Variants in SEC31A observed in about 807,000 individuals in gnomAD.
SEC31A encodes protein transport protein Sec31A.
A neutral mutation model predicts 151.0 loss-of-function variants in SEC31A; 70 were observed. The ratio of observed to expected loss-of-function variants is 0.46; its 90% CI spans 0.38 to 0.57. The LOEUF (loss-of-function observed/expected upper bound fraction) is 0.57. SEC31A is among the 20% of genes least tolerant of loss of function. The pLI, the probability that SEC31A is intolerant of heterozygous loss-of-function variation, is 0.00. For missense variants in SEC31A, 1,330 were observed against 1,471.2 expected (o/e 0.90, Z 1.57); for synonymous variants, 475 against 505.9 (o/e 0.94, Z 0.82).
chr4:82,875,742 T>C lies in SEC31A; in HGVS notation c.483A>G (p.Pro161=), dbSNP rs1413440907. The C allele has an allele frequency of 6.3e-7, 1 of 1,597,236 alleles. No individual in the cohort carries two copies. Among genetic ancestry groups the C allele is most frequent in the Non-Finnish European group, 8.6e-7 (1 of 1,167,590 alleles). The part of the protein sequence containing the change: ...DLNNFATPMT[P]GAKTQPPEDI... ...ATAAAAATACCTGTGTTTTGGCTCC[T>C]GGTGTCATTGGGGTTGCAAAATTAT... The change falls in exon 5 of 27, where the codon CCA becomes CCG. Residue 161 remains proline, a synonymous_variant. Coordinates refer to ENST00000395310, the MANE Select transcript of SEC31A (RefSeq NM_001077207.4).
At chr4:82,853,227 A>T (rs1226295211) in intron 18 of SEC31A, among the ~76,000 whole-genome samples, 1 of 152,086 alleles carries the variant, frequency 6.6e-6, no homozygotes, top group Non-Finnish European at 1.5e-5. Flanking sequence ...CTTTACCCAC[A>T]TTGCTTCTTT....
chr4:82,855,102 T>C lies in SEC31A; in HGVS notation c.1882-73A>G, dbSNP rs1732338927. Reference sequence around the variant, plus strand: ...ATAAAAATTAATTCTGACTAATTAATTGTGTCAAGTATTTCATGCCAAATG... The same window carrying C: ...ATAAAAATTAATTCTGACTAATTAACTGTGTCAAGTATTTCATGCCAAATG... On this transcript the variant is annotated intron_variant, in intron 16 of 26. Coordinates refer to ENST00000395310, the MANE Select transcript of SEC31A (RefSeq NM_001077207.4). The C allele has an allele frequency of 1.5e-5, 19 of 1,280,922 alleles. No individual in the cohort carries two copies. The South Asian group carries it at 2.1e-4, about 14-fold the overall frequency. 79.3% of individuals were successfully genotyped at this position (1,280,922 alleles called of 1,614,324 possible).
At chr4:82,887,976 G>C (rs1741139034) in intron 1 of SEC31A, among the ~76,000 whole-genome samples, 1 of 151,792 alleles carries the variant, frequency 6.6e-6, no homozygotes, top group Non-Finnish European at 1.5e-5. Context: ...AACCCGGGAG[G>C]CAGAGCTTGC....
intron 8 of SEC31A, among the ~76,000 whole-genome samples, chr4:82,868,803 C>G (rs934644182): frequency 6.6e-6 from 1 of 151,912 alleles, no homozygotes; most frequent in Non-Finnish European, 1.5e-5. Context: ...TCAAGCGATC[C>G]TCCTATGTCA....
At chr4:82,881,001 C>A (rs1487781640) in intron 2 of SEC31A, 79 bp from the exon 3 acceptor site, 1 of 1,216,482 alleles carries the variant, frequency 8.2e-7, no homozygotes, top group East Asian at 2.3e-5. Context: ...AAGTTAAAAG[C>A]ATGTTTTCCA....
chr4:82,888,149 CA>C (rs1325581570), intron 1 of SEC31A, among the ~76,000 whole-genome samples: 2 of 150,210 alleles, frequency 1.3e-5, no homozygotes, highest in Non-Finnish European at 3.0e-5. Context: ...CCGAGGTGGG[CA>C]GATCACTTGA....
intron 1 of SEC31A, among the ~76,000 whole-genome samples, chr4:82,885,369 A>C (rs1740451602): frequency 6.6e-6 from 1 of 152,158 alleles, no homozygotes; most frequent in Non-Finnish European, 1.5e-5. Flanking sequence ...TTGTGCAATT[A>C]CCATTTTTCT....
Position 82,864,521 on chromosome 4 carries a change from GTGCTGC to G in SEC31A, c.1269_1274del (p.Gln423_Gln424del). 1.9e-6 allele frequency: 3 copies of G among 1,613,854 alleles called. No individual in the cohort carries two copies. The highest frequency in any genetic ancestry group is 2.5e-6 in the Non-Finnish European group (3 of 1,179,900). ...TTACAACCTGACTAATGAACACATG[GTGCTGC>G]TGCTGCTGCTGCTCAGCTCCCTGAT... On this transcript the variant is annotated inframe_deletion, in exon 11 of 27. Coordinates refer to ENST00000395310, the MANE Select transcript of SEC31A (RefSeq NM_001077207.4).
chr4:82,844,830 T>A (rs1301055594), intron 20 of SEC31A, among the ~76,000 whole-genome samples: 1 of 152,204 alleles, frequency 6.6e-6, no homozygotes, highest in Non-Finnish European at 1.5e-5. Flanking sequence ...CTCCACTCTG[T>A]AAATATAAGT....
At chr4:82,881,025 G>T in intron 2 of SEC31A, 103 bp from the exon 3 acceptor site, 1 of 962,314 alleles carries the variant, frequency 1.0e-6, no homozygotes, top group Non-Finnish European at 1.6e-6. Context: ...TCTTGCTCAT[G>T]AATGCTGCAC....
chr4:82,870,887 A>G (rs1439977019), intron 7 of SEC31A, among the ~76,000 whole-genome samples: 14 of 152,222 alleles, frequency 9.2e-5, no homozygotes, highest in Admixed American at 9.2e-4. Flanking sequence ...ACAATAAATT[A>G]CAGACCACCC....
chr4:82,853,779 C>T, intron 17 of SEC31A, 64 bp from the exon 18 acceptor site: 2 of 1,307,648 alleles, frequency 1.5e-6, no homozygotes, highest in Non-Finnish European at 2.1e-6. Flanking sequence ...AGGCTGTGAG[C>T]AGCTAAATAA....
chr4:82,839,714 A>G (rs948262575), intron 22 of SEC31A, among the ~76,000 whole-genome samples: 1 of 152,274 alleles, frequency 6.6e-6, no homozygotes, highest in African/African-American at 2.4e-5. Context: ...AGATTAAAAT[A>G]TAGCACACTA....
chr4:82,889,950 G>T (rs938704887), intron 1 of SEC31A, among the ~76,000 whole-genome samples: 1 of 152,052 alleles, frequency 6.6e-6, no homozygotes, highest in Non-Finnish European at 1.5e-5. Context: ...AGAGTAGGCT[G>T]GGCGTGGTGG....
intron 6 of SEC31A, among the ~76,000 whole-genome samples, chr4:82,873,817 A>G (rs1269570129): frequency 6.6e-6 from 1 of 152,234 alleles, no homozygotes; most frequent in Non-Finnish European, 1.5e-5. Flanking sequence ...TAAAAAAATA[A>G]AGATACCTAA....
chr4:82,824,149 C>T (rs1724026751), intron 25 of SEC31A, among the ~76,000 whole-genome samples: 1 of 152,052 alleles, frequency 6.6e-6, no homozygotes, highest in African/African-American at 2.4e-5. Flanking sequence ...TAGAAATATA[C>T]CTTGTAGGAC....
intron 22 of SEC31A, among the ~76,000 whole-genome samples, chr4:82,830,687 C>G (rs988265821): frequency 9.9e-5 from 15 of 152,206 alleles, no homozygotes; most frequent in African/African-American, 3.6e-4. Flanking sequence ...TCAAGACAGT[C>G]TTGGCATAGT....
upstream of SEC31A, chr4:82,891,412 T>C (rs1719743274): frequency 3.4e-5 from 20 of 584,970 alleles, no homozygotes; most frequent in South Asian, 3.8e-4. Flanking sequence ...GCGCGCAGAA[T>C]GTGGATGGGG....
At chr4:82,864,626 G>C in intron 10 of SEC31A, 28 bp from the exon 11 acceptor site, 1 of 1,598,246 alleles carries the variant, frequency 6.3e-7, no homozygotes, top group Non-Finnish European at 8.6e-7. Context: ...AACAAACTCA[G>C]TGTTAACCCA....
Sources: allele counts gnomAD v4.1 joint callset (sites outside exome capture counted in the v4.1 genomes callset), GRCh38; gene constraint gnomAD v4.1.1; transcripts MANE v1.5; gene names NCBI Gene and HGNC (gene_info 2026-07-23, HGNC 2026-07-21).